TRAPPC9: variants seen among roughly 807,000 people sequenced by gnomAD.
TRAPPC9 encodes IKK2 binding protein.
In TRAPPC9, 83 loss-of-function variants were observed where a neutral mutation model predicts 124.0. The observed-to-expected ratio is 0.67, with a 90% CI of 0.56 to 0.80. The LOEUF is 0.80. Ranked by LOEUF, TRAPPC9 falls within the 30% of genes least tolerant of loss-of-function variation. The probability of loss-of-function intolerance (pLI) is 0.00; values close to 1 mark genes in which losing one functional copy is unlikely to be tolerated. For synonymous variants in TRAPPC9, 638 were observed against 617.5 expected (o/e 1.03, Z -0.49); for missense variants, 1,302 against 1,508.3 (o/e 0.86, Z 2.27).
chr8:140,112,639 G>C (rs2060803550), intron 17 of TRAPPC9, among the ~76,000 whole-genome samples: 1 of 152,152 alleles, frequency 6.6e-6, no homozygotes, highest in Admixed American at 6.5e-5. Context: ...CTGCAGGTCA[G>C]AGCCGGTGGG....
rs1171809425 is a variant in TRAPPC9, at chr8:139,742,286, T to C, written c.3056-10084A>G. On this transcript the variant is annotated intron_variant, in intron 21 of 22. Transcript: ENST00000438773. The surrounding 1 kb of genome is among the most constrained non-coding windows in gnomAD (Gnocchi z 4.7). ...CCCCAACCGGCCATGCTGCCGGCGC[T>C]CACTGCTCCCTGTGCAGACAGCCCA... is the stretch of plus-strand genomic sequence containing the variant. 6.6e-6 allele frequency among the ~76,000 whole-genome samples: 1 copy of C among 152,184 alleles called. No homozygotes were observed. Among genetic ancestry groups the C allele is most frequent in the Non-Finnish European group, 1.5e-5 (1 of 68,026 alleles).
chr8:140,181,034 C>G (rs986865888), intron 17 of TRAPPC9, among the ~76,000 whole-genome samples: 3 of 152,136 alleles, frequency 2.0e-5, no homozygotes, highest in Non-Finnish European at 4.4e-5. Context: ...TTTTTCTCTC[C>G]AGGATTTTTT....
intron 19 of TRAPPC9, among the ~76,000 whole-genome samples, chr8:139,925,995 T>C (rs1257311420): frequency 6.6e-6 from 1 of 152,242 alleles, no homozygotes; most frequent in Non-Finnish European, 1.5e-5. Flanking sequence ...TGCAGCTAGC[T>C]GGTTCCCGCT....
intron 12 of TRAPPC9, among the ~76,000 whole-genome samples, chr8:140,290,714 G>A (rs1422494848): frequency 3.3e-5 from 5 of 152,114 alleles, no homozygotes; most frequent in Admixed American, 6.5e-5. Flanking sequence ...CGTAAGCTTC[G>A]AAATTATTAT....
chr8:139,927,369 T>C (rs1832878537), intron 19 of TRAPPC9, among the ~76,000 whole-genome samples: 1 of 152,180 alleles, frequency 6.6e-6, no homozygotes. Context: ...TTTAACCTCC[T>C]GAGTAGCTGG....
intron 18 of TRAPPC9, among the ~76,000 whole-genome samples, chr8:140,007,264 G>A (rs1026183207): frequency 3.3e-5 from 5 of 152,228 alleles, no homozygotes; most frequent in African/African-American, 1.2e-4. Context: ...CAGTAACTCT[G>A]CAATTGTGCC....
chr8:140,382,463 T>A (rs2068636128), intron 7 of TRAPPC9, among the ~76,000 whole-genome samples: 1 of 152,142 alleles, frequency 6.6e-6, no homozygotes, highest in African/African-American at 2.4e-5. Context: ...TTTCCAATGG[T>A]CTTAGCAAAC....
At chr8:139,947,778 G>T (rs891257111) in intron 19 of TRAPPC9, among the ~76,000 whole-genome samples, 2 of 149,840 alleles carry the variant, frequency 1.3e-5, no homozygotes, top group African/African-American at 4.9e-5. Flanking sequence ...TGAGGAAGGA[G>T]AATCACCTGA....
At chr8:140,260,017 T>C (rs2064363408) in intron 15 of TRAPPC9, among the ~76,000 whole-genome samples, 1 of 152,232 alleles carries the variant, frequency 6.6e-6, no homozygotes, top group African/African-American at 2.4e-5. Flanking sequence ...TCTGCTCTTA[T>C]TGGTTGTCCT....
intron 20 of TRAPPC9, among the ~76,000 whole-genome samples, chr8:139,909,753 T>G (rs1310417352): frequency 6.6e-6 from 1 of 152,240 alleles, no homozygotes; most frequent in Non-Finnish European, 1.5e-5. Context: ...CTCGGTAAGC[T>G]GTACAATCCG....
chr8:140,289,709 G>A (rs923248243), intron 12 of TRAPPC9, among the ~76,000 whole-genome samples: 3 of 151,992 alleles, frequency 2.0e-5, no homozygotes, highest in African/African-American at 7.3e-5. Flanking sequence ...GTAAGAAAGA[G>A]CAGCAGGCAT....
At chr8:139,814,322 A>G (rs940757884) in intron 21 of TRAPPC9, among the ~76,000 whole-genome samples, 1 of 152,244 alleles carries the variant, frequency 6.6e-6, no homozygotes, top group Admixed American at 6.5e-5. Context: ...GGCGATGAGA[A>G]GCCAAAAACA....
intron 9 of TRAPPC9, among the ~76,000 whole-genome samples, chr8:140,334,094 C>T (rs2066969760): frequency 6.6e-6 from 1 of 152,236 alleles, no homozygotes; most frequent in African/African-American, 2.4e-5. Flanking sequence ...GTGCCTTCTA[C>T]TTCTCCACCA....
intron 17 of TRAPPC9, among the ~76,000 whole-genome samples, chr8:140,178,109 A>G (rs1368464784): frequency 6.6e-6 from 1 of 152,024 alleles, no homozygotes; most frequent in Non-Finnish European, 1.5e-5. Context: ...TTCCTTTCCA[A>G]TCTGGGCACA....
chr8:140,077,040 C>G (rs1015509093), intron 17 of TRAPPC9, among the ~76,000 whole-genome samples: 1 of 151,924 alleles, frequency 6.6e-6, no homozygotes, highest in South Asian at 2.1e-4. Context: ...GTAGCACACA[C>G]CTGTAGTCCC....
At chr8:140,102,882 GA>G (rs2060603798) in intron 17 of TRAPPC9, among the ~76,000 whole-genome samples, 1 of 152,198 alleles carries the variant, frequency 6.6e-6, no homozygotes, top group African/African-American at 2.4e-5. Context: ...GGCTGGGCAG[GA>G]TAAAGCTCAA....
intron 21 of TRAPPC9, among the ~76,000 whole-genome samples, chr8:139,870,998 C>T (rs1179596281): frequency 6.6e-6 from 1 of 152,210 alleles, no homozygotes; most frequent in Non-Finnish European, 1.5e-5. Flanking sequence ...CGCTCCCACA[C>T]TTACTCGCTG....
intron 2 of TRAPPC9, among the ~76,000 whole-genome samples, chr8:140,443,941 CA>C (rs1235905840): frequency 6.8e-6 from 1 of 147,122 alleles, no homozygotes; most frequent in Admixed American, 7.0e-5. Flanking sequence ...GAGACTGAGG[CA>C]GGAGAATGGC....
intron 17 of TRAPPC9, among the ~76,000 whole-genome samples, chr8:140,215,234 G>A (rs1388895434): frequency 6.6e-6 from 1 of 152,132 alleles, no homozygotes; most frequent in Admixed American, 6.5e-5. Flanking sequence ...ACGCACCCAC[G>A]CTCCTTCCGT....
Sources: gnomAD v4.1 joint callset for allele counts (sites outside exome capture counted in the v4.1 genomes callset) on GRCh38, gnomAD v4.1.1 for gene constraint, Gnocchi (gnomAD v3.1) non-coding constraint, MANE v1.5 for transcripts, NCBI Gene and HGNC (gene_info 2026-07-23, HGNC 2026-07-21) for gene names.